Variants in PAK2 observed in about 807,000 individuals in gnomAD.
PAK2 encodes p21 (RAC1) activated kinase 2.
PAK2 carries 21 observed loss-of-function variants against 65.9 expected under a neutral mutation model. The ratio of observed to expected loss-of-function variants is 0.32; its 90% CI spans 0.23 to 0.46. The LOEUF is 0.46. Ranked by LOEUF, PAK2 falls within the 20% of genes least tolerant of loss-of-function variation. The probability of loss-of-function intolerance (pLI) is 1.00; values close to 1 mark genes in which losing one functional copy is unlikely to be tolerated. For synonymous variants in PAK2, 204 were observed against 219.7 expected, an observed-to-expected ratio of 0.93 and a Z score of 0.63; for missense variants, 324 against 642.6, an observed-to-expected ratio of 0.50 and a Z score of 5.36.
chr3:196,786,765 G>A (rs1714901642), intron 2 of PAK2, among the ~76,000 whole-genome samples: 1 of 151,808 alleles, frequency 6.6e-6, no homozygotes, highest in Non-Finnish European at 1.5e-5. Context: ...TATTCCATTA[G>A]GTTATTTGTC....
intron 1 of PAK2, among the ~76,000 whole-genome samples, chr3:196,781,034 C>T (rs1440081066): frequency 2.0e-5 from 3 of 152,200 alleles, no homozygotes; most frequent in Non-Finnish European, 2.9e-5. Context: ...GTGATCCACC[C>T]GCCTCGGCCT....
chr3:196,764,835 T>C (rs1413209171), intron 1 of PAK2, among the ~76,000 whole-genome samples: 1 of 142,846 alleles, frequency 7.0e-6, no homozygotes, highest in South Asian at 2.2e-4. Context: ...TTCTTTTCTT[T>C]TCTTTCTTTT....
At chr3:196,782,949 A>G (rs984997028) in intron 2 of PAK2, 116 bp downstream of exon 2, 6 of 578,896 alleles carry the variant, frequency 1.0e-5, no homozygotes, top group Non-Finnish European at 1.8e-5. Flanking sequence ...AATCGGTGCT[A>G]ATATACAGGC....
chr3:196,819,220 T>C (rs1439920721), intron 12 of PAK2, among the ~76,000 whole-genome samples: 1 of 152,138 alleles, frequency 6.6e-6, no homozygotes, highest in Non-Finnish European at 1.5e-5. Context: ...GGCAGGTGGA[T>C]TGCTTGAGCC....
intron 2 of PAK2, among the ~76,000 whole-genome samples, chr3:196,799,075 C>T (rs1715342375): frequency 6.6e-6 from 1 of 151,800 alleles, no homozygotes; most frequent in African/African-American, 2.4e-5. Flanking sequence ...TTTAAGAAAA[C>T]GAATAAAAGG....
intron 1 of PAK2, among the ~76,000 whole-genome samples, chr3:196,762,807 AAAG>A (rs1553801447): frequency 1.9e-4 from 26 of 139,656 alleles, no homozygotes; most frequent in African/African-American, 4.4e-4. Context: ...AAAAAAAAAA[AAAG>A]AAGAAAAGTT....
At chr3:196,788,780 G>A (rs1195727) in intron 2 of PAK2, among the ~76,000 whole-genome samples, 2,734 of 152,306 alleles carry the variant, frequency 0.018, 33 homozygotes, top group South Asian at 0.045. Context: ...CCCGGGAAGA[G>A]CCTGTTTCAG....
intron 1 of PAK2, among the ~76,000 whole-genome samples, chr3:196,768,107 C>T (rs1346734983): frequency 6.6e-6 from 1 of 151,980 alleles, no homozygotes; most frequent in Non-Finnish European, 1.5e-5. Flanking sequence ...AGAATTTTGT[C>T]CTCAGTTCAG....
chr3:196,741,600 G>C (rs943804723), intron 1 of PAK2, among the ~76,000 whole-genome samples: 3 of 152,158 alleles, frequency 2.0e-5, no homozygotes, highest in Non-Finnish European at 4.4e-5. Context: ...TTTCCGATTT[G>C]GTAACAGGTT....
At chr3:196,800,334 A>G (rs1234009930) in intron 2 of PAK2, among the ~76,000 whole-genome samples, 1 of 152,134 alleles carries the variant, frequency 6.6e-6, no homozygotes, top group Non-Finnish European at 1.5e-5. Flanking sequence ...GTGAGCTGAG[A>G]TCACGCCACT....
intron 1 of PAK2, among the ~76,000 whole-genome samples, chr3:196,750,762 A>C (rs1713551410): frequency 6.6e-6 from 1 of 152,060 alleles, no homozygotes; most frequent in Non-Finnish European, 1.5e-5. Flanking sequence ...AGTTTAAAAA[A>C]AAAAAAAACC....
intron 13 of PAK2, among the ~76,000 whole-genome samples, chr3:196,825,374 T>C (rs1014950340): frequency 2.1e-5 from 3 of 146,114 alleles, no homozygotes; most frequent in Middle Eastern, 3.8e-3. Flanking sequence ...CCAGATGCAG[T>C]GGCTCACACC....
At position 196,808,557 on chromosome 3, in the gene PAK2, C is replaced by CAAAAAAAAA. The variant is rs1208200034; in HGVS notation, c.709+653_709+661dup. On this transcript the variant is annotated intron_variant, in intron 7 of 14. Coordinates refer to ENST00000327134, the MANE Select transcript of PAK2 (RefSeq NM_002577.4). ...GCCTGGCAACAGTGAGACTCCATCT[C>CAAAAAAAAA]AAAAAAAAAAAAAAAAAAGCGAACC... Among the ~76,000 whole-genome samples the CAAAAAAAAA allele has an allele frequency of 1.7e-3, 98 of 56,542 alleles. 1 individual carries two copies. Among genetic ancestry groups the CAAAAAAAAA allele is most frequent in the South Asian group, 2.6e-3 (4 of 1,558 alleles). 37.1% of individuals were successfully genotyped at this position (56,542 alleles called of 152,430 possible). A position where few individuals can be genotyped will look rare whatever the true frequency, so the allele number is the denominator to read the frequency against.
At chr3:196,776,595 C>T (rs1560100249) in intron 1 of PAK2, among the ~76,000 whole-genome samples, 1 of 152,174 alleles carries the variant, frequency 6.6e-6, no homozygotes, top group African/African-American at 2.4e-5. Context: ...AGCAGTTTCT[C>T]AGCGCTTGAC....
chr3:196,809,463 C>A (rs991278379), intron 7 of PAK2, among the ~76,000 whole-genome samples: 1 of 147,174 alleles, frequency 6.8e-6, no homozygotes, highest in Non-Finnish European at 1.5e-5. Context: ...TCTGCCTCAG[C>A]CTCCCGAGTA....
At chr3:196,814,848 G>A (rs1040551076) in intron 11 of PAK2, among the ~76,000 whole-genome samples, 1 of 152,114 alleles carries the variant, frequency 6.6e-6, no homozygotes, top group South Asian at 2.1e-4. Flanking sequence ...CATCCAAACA[G>A]GACACTTTTG....
At chr3:196,742,245 C>G (rs1374267797) in intron 1 of PAK2, among the ~76,000 whole-genome samples, 1 of 152,086 alleles carries the variant, frequency 6.6e-6, no homozygotes, top group East Asian at 1.9e-4. Context: ...CGCGCCACCA[C>G]GCGCGGCTAA....
chr3:196,760,062 C>T (rs1375545763), intron 1 of PAK2, among the ~76,000 whole-genome samples: 2 of 152,142 alleles, frequency 1.3e-5, no homozygotes, highest in South Asian at 2.1e-4. Context: ...TTTCAAGGTC[C>T]ATCCATGCTG....
In PAK2 at chr3:196,818,092, A is replaced by G. The variant is rs1020583209; in HGVS notation, c.1089A>G (p.Gln363=). ...CATTGGAGTTTTTACATGCTAATCA[A>G]GTGATCCACAGAGACATCAAAAGTG... The part of the protein sequence containing the change: ...LQALEFLHAN[Q]VIHRDIKSDN... Residue 363 remains glutamine, a synonymous_variant, in exon 12 of 15, where the codon CAA becomes CAG. Transcript: ENST00000327134. 16 of 1,528,816 alleles carry G rather than the reference A, an allele frequency of 1.0e-5. No homozygotes were observed. Among genetic ancestry groups the G allele is most frequent in the East Asian group, 4.5e-5 (2 of 44,540 alleles). 94.7% of individuals were successfully genotyped at this position (1,528,816 alleles called of 1,614,324 possible). A position where few individuals can be genotyped will look rare whatever the true frequency, so the allele number is the denominator to read the frequency against.
Sources: gnomAD v4.1 joint callset for allele counts (sites outside exome capture counted in the v4.1 genomes callset) on GRCh38, gnomAD v4.1.1 for gene constraint, MANE v1.5 for transcripts, NCBI Gene and HGNC (gene_info 2026-07-23, HGNC 2026-07-21) for gene names.